TBC1D2: variants seen among roughly 807,000 people sequenced by gnomAD.
The protein encoded by TBC1D2 is TBC1 domain family member 2.
In TBC1D2, 58 loss-of-function variants were observed where a neutral mutation model predicts 91.1. That is an observed-to-expected ratio of 0.64 (90% CI 0.52 to 0.79). The LOEUF is 0.79. Among genes scored for constraint, TBC1D2 ranks in the 30% least tolerant of loss-of-function variants. The pLI, the probability that TBC1D2 is intolerant of heterozygous loss-of-function variation, is 0.00. For missense variants in TBC1D2, 1,080 were observed against 1,208.3 expected (o/e 0.89, Z 1.57); for synonymous variants, 482 against 511.5 (o/e 0.94, Z 0.78).
intron 2 of TBC1D2, among the ~76,000 whole-genome samples, chr9:98,244,390 G>A (rs1829718621): frequency 2.0e-5 from 3 of 152,168 alleles, no homozygotes; most frequent in African/African-American, 4.8e-5. Flanking sequence ...TGGGAGCGGT[G>A]GCTCATGCCT....
At chr9:98,252,511 T>C (rs1829892750) in intron 1 of TBC1D2, among the ~76,000 whole-genome samples, 1 of 152,208 alleles carries the variant, frequency 6.6e-6, no homozygotes, top group African/African-American at 2.4e-5. Flanking sequence ...TCATGGTAAA[T>C]GCTGGTCATT....
At chr9:98,199,650 T>G in intron 12 of TBC1D2, 62 bp from the exon 13 acceptor site, 1 of 1,567,188 alleles carries the variant, frequency 6.4e-7, no homozygotes, top group Non-Finnish European at 8.8e-7. Flanking sequence ...TTTACCCGGC[T>G]CTCCCAGACA....
intron 9 of TBC1D2, 125 bp downstream of exon 9, chr9:98,208,543 C>T (rs1828716592): frequency 2.2e-6 from 2 of 923,444 alleles, no homozygotes; most frequent in African/African-American, 1.8e-5. Flanking sequence ...CTCTCGCCCA[C>T]TGCTCACCTC....
rs1389488801 is a variant in TBC1D2, at chr9:98,200,099, TCAGA to T, written c.2579+150_2579+153del. Among the ~76,000 whole-genome samples, 7 of 152,222 alleles carry T rather than the reference TCAGA, an allele frequency of 4.6e-5. No individual in the cohort carries two copies. In the East Asian group the frequency reaches 9.7e-4, roughly 21 times the overall value. On this transcript the variant is annotated intron_variant, in intron 12 of 12. Transcript: ENST00000465784. ...CATGTTAAGGGGGCAGACATATCAC[TCAGA>T]CAGTCAGACTTCCCCAAAGATTTCT...
At chr9:98,209,206 G>A in intron 8 of TBC1D2, 62 bp from the exon 9 acceptor site, 1 of 1,526,762 alleles carries the variant, frequency 6.5e-7, no homozygotes, top group Non-Finnish European at 9.0e-7. Flanking sequence ...AAGGGGTGGT[G>A]GTGACAGGGA....
chr9:98,233,070 T>G (rs2119138750), intron 4 of TBC1D2, among the ~76,000 whole-genome samples: 1 of 152,308 alleles, frequency 6.6e-6, no homozygotes, highest in South Asian at 2.1e-4. Flanking sequence ...GTGGAGCCCC[T>G]GATAAGATCA....
At chr9:98,247,547 T>C (rs914855054) in intron 2 of TBC1D2, among the ~76,000 whole-genome samples, 1 of 151,804 alleles carries the variant, frequency 6.6e-6, no homozygotes, top group Non-Finnish European at 1.5e-5. Context: ...GGTAACACAG[T>C]GAAACTCCGT....
Position 98,228,887 on chromosome 9 carries a change from C to A in TBC1D2, c.978+65G>T. ...GGCTAATGCGTCCCATCTAGCTTAT[C>A]CGAAAGGCTCCAGGAACTGGAGGGG... On this transcript the variant is annotated intron_variant, in intron 5 of 12. Transcript: ENST00000465784. The surrounding 1 kb of genome is among the most constrained non-coding windows in gnomAD (Gnocchi z 4.0). 2 of 1,528,868 alleles carry A rather than the reference C, an allele frequency of 1.3e-6. No individual in the cohort carries two copies. The highest frequency in any genetic ancestry group is 1.8e-6 in the Non-Finnish European group (2 of 1,122,026). 94.7% of individuals were successfully genotyped at this position (1,528,868 alleles called of 1,614,324 possible).
At chr9:98,227,474 T>C (rs1244879065) in intron 5 of TBC1D2, among the ~76,000 whole-genome samples, 1 of 152,136 alleles carries the variant, frequency 6.6e-6, no homozygotes, top group Admixed American at 6.5e-5. Flanking sequence ...ATGTAACTCC[T>C]GGCCAGGCAC....
chr9:98,208,641 C>T, intron 9 of TBC1D2, 27 bp downstream of exon 9: 1 of 1,512,050 alleles, frequency 6.6e-7, no homozygotes, highest in Non-Finnish European at 8.9e-7. Flanking sequence ...GTAAAGATCA[C>T]ACCTTCACTG....
intron 6 of TBC1D2, among the ~76,000 whole-genome samples, chr9:98,216,061 G>A (rs10985474): frequency 5.3e-4 from 80 of 152,316 alleles, no homozygotes; most frequent in African/African-American, 1.2e-3. Flanking sequence ...TGAATGCTGC[G>A]GGCACGCTGT....
At chr9:98,249,703 G>A (rs1468169767) in intron 2 of TBC1D2, among the ~76,000 whole-genome samples, 2 of 152,306 alleles carry the variant, frequency 1.3e-5, no homozygotes, top group East Asian at 1.9e-4. Context: ...ACTAGTAACA[G>A]CACCTATATA....
chr9:98,247,628 C>T (rs898784491), intron 2 of TBC1D2, among the ~76,000 whole-genome samples: 1 of 149,082 alleles, frequency 6.7e-6, no homozygotes, highest in Non-Finnish European at 1.5e-5. Context: ...ACTTGGGAGG[C>T]TGAGGCAGGA....
intron 6 of TBC1D2, among the ~76,000 whole-genome samples, chr9:98,219,462 C>T (rs1457034531): frequency 1.3e-5 from 2 of 152,108 alleles, no homozygotes; most frequent in East Asian, 1.9e-4. Context: ...TGTACAGTCT[C>T]GTGTGGCTTA....
Position 98,233,429 on chromosome 9 carries a change from GTCAGAGGCCA to G in TBC1D2, c.758_767del (p.Leu253SerfsTer21), listed in dbSNP as rs1564252328. The G allele has an allele frequency of 4.3e-6, 7 of 1,613,808 alleles. No homozygotes were observed. The African/African-American group carries it at 9.3e-5, about 22-fold the overall frequency. ...ACAGAGGCTCACCTGGGGTGCTGGC[GTCAGAGGCCA>G]AGGGCTGCTCCTCCCTCTGAGGCTC... On this transcript the variant is annotated frameshift_variant, in exon 4 of 13. Coordinates refer to ENST00000465784, the MANE Select transcript of TBC1D2 (RefSeq NM_001267571.2). LOFTEE classifies it high-confidence loss of function.
intron 5 of TBC1D2, among the ~76,000 whole-genome samples, chr9:98,221,612 C>G (rs886702134): frequency 6.6e-6 from 1 of 152,224 alleles, no homozygotes; most frequent in Non-Finnish European, 1.5e-5. Context: ...CCGCCTCAGA[C>G]CCACAGCAGA....
At chr9:98,233,233 A>G (rs1409255470) in intron 4 of TBC1D2, among the ~76,000 whole-genome samples, 183 bp downstream of exon 4, 1 of 152,240 alleles carries the variant, frequency 6.6e-6, no homozygotes, top group Non-Finnish European at 1.5e-5. Flanking sequence ...GCTTCCACAC[A>G]ACTGTGAGAA....
chr9:98,246,613 C>T (rs1829769198), intron 2 of TBC1D2, among the ~76,000 whole-genome samples: 1 of 152,046 alleles, frequency 6.6e-6, no homozygotes, highest in Admixed American at 6.6e-5. Flanking sequence ...AAAGTGCACA[C>T]CTGGGGTCAG....
chr9:98,220,995 C>A lies in TBC1D2; in HGVS notation c.1212G>T (p.Val404=). ...CGTGGTTCTTGTCCATAAGCAGCTG[C>A]ACGTGCTGCTGTAGCTCCTGCACCT... is the stretch of plus-strand genomic sequence containing the variant. The part of the protein sequence containing the change: ...EQQVQELQQH[V]QLLMDKNHAK... The change falls in exon 6 of 13, where the codon GTG becomes GTT. Residue 404 remains valine, a synonymous_variant. Coordinates refer to ENST00000465784, the MANE Select transcript of TBC1D2 (RefSeq NM_001267571.2). The A allele has an allele frequency of 6.2e-7, 1 of 1,614,174 alleles. No individual in the cohort carries two copies. Among genetic ancestry groups the A allele is most frequent in the African/African-American group, 1.3e-5 (1 of 75,052 alleles).
Sources: gnomAD v4.1 joint callset for allele counts (sites outside exome capture counted in the v4.1 genomes callset) on GRCh38, gnomAD v4.1.1 for gene constraint, Gnocchi (gnomAD v3.1) non-coding constraint, MANE v1.5 for transcripts, NCBI Gene and HGNC (gene_info 2026-07-23, HGNC 2026-07-21) for gene names.